The following TPR variants were observed in gnomAD, a reference collection of about 807,000 sequenced individuals.
TPR encodes nucleoprotein TPR.
Under a neutral mutation model 316.1 loss-of-function variants are expected in TPR, and 51 were observed. The ratio of observed to expected loss-of-function variants is 0.16; its 90% confidence interval spans 0.13 to 0.20. The LOEUF is 0.20. Ranked by LOEUF, TPR falls within the 10% of genes least tolerant of loss-of-function variation. TPR has a pLI of 1.00. For missense variants in TPR, 2,272 were observed against 2,754.8 expected, an observed-to-expected ratio of 0.82 and a Z score of 3.92; for synonymous variants, 981 against 914.7, an observed-to-expected ratio of 1.07 and a Z score of -1.31.
Position 186,361,574 on chromosome 1 carries a change from A to G in TPR, c.958+48T>C, listed in dbSNP as rs754977476. 13 of 1,581,580 alleles carry G rather than the reference A, an allele frequency of 8.2e-6. No homozygotes were observed. The African/African-American group carries it at 1.8e-4, about 22-fold the overall frequency. On this transcript the variant is annotated intron_variant, in intron 9 of 50. Coordinates refer to ENST00000367478, the MANE Select transcript of TPR (RefSeq NM_003292.3). ...ATACAAAACAAGGGTAAAAAAAAAA[A>G]AAGAGTACAATAACAAAAATAATGT... is the stretch of plus-strand genomic sequence containing the variant.
At chr1:186,373,897 A>G (rs930305262) in intron 1 of TPR, among the ~76,000 whole-genome samples, 1 of 152,236 alleles carries the variant, frequency 6.6e-6, no homozygotes, top group Non-Finnish European at 1.5e-5. Flanking sequence ...TACTAAATAT[A>G]TGTAAAAGTA....
intron 1 of TPR, 22 bp from the exon 2 acceptor site, chr1:186,373,485 C>CAAAAAACA (rs1307521295): frequency 6.6e-7 from 1 of 1,509,042 alleles, no homozygotes; most frequent in Admixed American, 1.8e-5. Context: ...AAGCAAAAAA[C>CAAAAAACA]AAAAAACAAA....
intron 42 of TPR, 97 bp downstream of exon 42, chr1:186,325,667 A>T: frequency 1.0e-6 from 1 of 971,282 alleles, no homozygotes; most frequent in African/African-American, 1.7e-5. Flanking sequence ...TCTTTTTACC[A>T]ATTCAATAAA....
At chr1:186,362,178 C>T (rs1376050325) in intron 7 of TPR, 110 bp downstream of exon 7, 3 of 850,734 alleles carry the variant, frequency 3.5e-6, no homozygotes, top group Non-Finnish European at 5.4e-6. Context: ...AGGACTCTCA[C>T]TGTTTTATGG....
At chr1:186,319,426 A>G (rs1006684875) in intron 46 of TPR, among the ~76,000 whole-genome samples, 2 of 151,350 alleles carry the variant, frequency 1.3e-5, no homozygotes, top group African/African-American at 4.8e-5. Context: ...TGTTAATTAC[A>G]AAGTAATTAA....
intron 37 of TPR, among the ~76,000 whole-genome samples, chr1:186,332,854 TGACA>T (rs2102064910): frequency 6.6e-6 from 1 of 152,230 alleles, no homozygotes; most frequent in East Asian, 1.9e-4. Flanking sequence ...ATCATCTTAA[TGACA>T]AACAACTGAT....
At chr1:186,363,045 T>A in intron 5 of TPR, 44 bp from the exon 6 acceptor site, 1 of 1,547,906 alleles carries the variant, frequency 6.5e-7, no homozygotes, top group Non-Finnish European at 8.6e-7. Context: ...AAAGATGATA[T>A]ATGATTATTC....
rs138001028 is a variant in TPR, at chr1:186,355,881, A to T, written c.1889-113T>A. 223 of 1,259,226 alleles carry T rather than the reference A, an allele frequency of 1.8e-4. 1 individual carries two copies. In the East Asian group the frequency reaches 5.2e-3, roughly 30 times the overall value. The allele number at this position is 1,259,226 out of a possible 1,614,324, so 78.0% of individuals were successfully genotyped here. ...CAAATAAACAAGCTAAACTTATTGA[A>T]ATGAAACAATAAGATTATAGGAGTT... On this transcript the variant is annotated intron_variant, in intron 15 of 50. Transcript: ENST00000367478.
At chr1:186,340,732 C>T (rs1012507816) in intron 29 of TPR, among the ~76,000 whole-genome samples, 1 of 151,902 alleles carries the variant, frequency 6.6e-6, no homozygotes, top group African/African-American at 2.4e-5. Context: ...TGTCTGGCCT[C>T]AGATTTCTAT....
chr1:186,363,216 T>C (rs1240415783), intron 5 of TPR, 126 bp downstream of exon 5: 1 of 1,013,026 alleles, frequency 9.9e-7, no homozygotes, highest in Non-Finnish European at 1.4e-6. Context: ...AATGCTTAAT[T>C]TTCTGACATT....
chr1:186,327,089 CAT>C (rs1391796727), intron 40 of TPR, among the ~76,000 whole-genome samples: 1 of 5,782 alleles, frequency 1.7e-4, no homozygotes, highest in Admixed American at 2.6e-3. Flanking sequence ...AAATATATAA[CAT>C]ATATATTATA....
At chr1:186,356,881 C>T in intron 14 of TPR, among the ~76,000 whole-genome samples, 1 of 152,214 alleles carries the variant, frequency 6.6e-6, no homozygotes, top group East Asian at 1.9e-4. Flanking sequence ...AGGCACTAAT[C>T]ACAGTGAATG....
Position 186,353,988 on chromosome 1 carries a change from A to G in TPR, c.2172-138T>C, listed in dbSNP as rs1571627963. 15 of 670,264 alleles carry G rather than the reference A, an allele frequency of 2.2e-5. No homozygotes were observed. The East Asian group carries it at 3.7e-4, about 17-fold the overall frequency. The allele number at this position is 670,264 out of a possible 1,614,324, so 41.5% of individuals were successfully genotyped here. A position where few individuals can be genotyped will look rare whatever the true frequency, so the allele number is the denominator to read the frequency against. On this transcript the variant is annotated intron_variant, in intron 17 of 50. Coordinates refer to ENST00000367478, the MANE Select transcript of TPR (RefSeq NM_003292.3). The stretch of plus-strand genomic sequence containing the variant: ...CTCTAATCCTAATGTAACATCATAC[A>G]TATTTCTGTTAAGTTGAATTCTGCT...
intron 22 of TPR, 89 bp downstream of exon 22, chr1:186,347,203 G>C (rs988193382): frequency 4.3e-6 from 6 of 1,394,008 alleles, no homozygotes; most frequent in Non-Finnish European, 5.9e-6. Context: ...TAATTCATAC[G>C]AGTGCCTTAA....
chr1:186,318,217 T>C (rs559374213), intron 48 of TPR, among the ~76,000 whole-genome samples: 50 of 151,916 alleles, frequency 3.3e-4, no homozygotes, highest in African/African-American at 1.0e-3. Context: ...TAATCCCAGC[T>C]ACTTGGGAGG....
chr1:186,351,502 T>A, intron 19 of TPR, 32 bp from the exon 20 acceptor site: 1 of 1,513,068 alleles, frequency 6.6e-7, no homozygotes, highest in Non-Finnish European at 8.8e-7. Flanking sequence ...TGGTTATGCT[T>A]AAGAAAAAGG....
At position 186,363,384 on chromosome 1, in the gene TPR, C is replaced by T. The variant is rs1307784043; in HGVS notation, c.489G>A (p.Gln163=). ...KESNTTKGEL[Q]LKLDELQASD... is the part of the protein sequence containing the mutation. ...AAGCTTGAAGTTCATCCAATTTTAA[C>T]TGAAGTTCACCCTTTGTTGTATTGC... The change falls in exon 5 of 51, where the codon CAG becomes CAA. Residue 163 remains glutamine (Q), a synonymous_variant. Coordinates refer to ENST00000367478, the MANE Select transcript of TPR (RefSeq NM_003292.3). 4.3e-6 allele frequency: 7 copies of T among 1,612,728 alleles called. No homozygotes were observed. Among genetic ancestry groups the T allele is most frequent in the South Asian group, 2.2e-5 (2 of 91,038 alleles).
At chr1:186,339,027 A>C (rs1658422994) in intron 30 of TPR, among the ~76,000 whole-genome samples, 1 of 152,254 alleles carries the variant, frequency 6.6e-6, no homozygotes, top group Non-Finnish European at 1.5e-5. Context: ...GACAAATTAC[A>C]CTAAAGCTTA....
chr1:186,349,549 A>G (rs953875649), intron 21 of TPR, among the ~76,000 whole-genome samples: 29 of 151,740 alleles, frequency 1.9e-4, no homozygotes, highest in African/African-American at 6.8e-4. Flanking sequence ...AGTCCCAGCT[A>G]CTCGGGAGGC....
Sources: gnomAD v4.1 joint callset for allele counts (sites outside exome capture counted in the v4.1 genomes callset) on GRCh38, gnomAD v4.1.1 for gene constraint, MANE v1.5 for transcripts, NCBI Gene and HGNC (gene_info 2026-07-23, HGNC 2026-07-21) for gene names.